Variants in TMEM163 observed in about 807,000 individuals in gnomAD.
TMEM163 encodes the protein transmembrane protein 163.
TMEM163 carries 17 observed loss-of-function variants against 29.3 expected under a neutral mutation model. The observed-to-expected ratio is 0.58, with a 90% confidence interval of 0.40 to 0.87. The LOEUF is 0.87. Ranked by LOEUF, TMEM163 falls within the 40% of genes least tolerant of loss-of-function variation. TMEM163 has a pLI of 0.00. For synonymous variants in TMEM163, 157 were observed against 160.6 expected, an observed-to-expected ratio of 0.98 and a Z score of 0.17; for missense variants, 303 against 381.5, an observed-to-expected ratio of 0.79 and a Z score of 1.71.
At chr2:134,468,517 G>C (rs189312170) in intron 5 of TMEM163, 1 of 152,360 alleles carries the variant, frequency 6.6e-6, no homozygotes, top group East Asian at 1.9e-4. Context: ...AACAGCCCCA[G>C]GTGCTAACAG....
chr2:134,516,716 T>TGA, intron 4 of TMEM163, among the ~76,000 whole-genome samples: 1 of 136,728 alleles, frequency 7.3e-6, no homozygotes, highest in Non-Finnish European at 1.6e-5. Flanking sequence ...TATATACATA[T>TGA]ATATTCATAT....
intron 5 of TMEM163, among the ~76,000 whole-genome samples, chr2:134,489,364 G>A (rs1679379244): frequency 6.6e-6 from 1 of 151,954 alleles, no homozygotes; most frequent in South Asian, 2.1e-4. Context: ...TGGATCATGA[G>A]GTTAAGAGAT....
chr2:134,616,062 A>G (rs765101943), intron 2 of TMEM163, among the ~76,000 whole-genome samples: 2 of 152,194 alleles, frequency 1.3e-5, no homozygotes, highest in Non-Finnish European at 2.9e-5. Flanking sequence ...TACCAGTATG[A>G]TTCGGGAGGT....
intron 4 of TMEM163, among the ~76,000 whole-genome samples, chr2:134,510,687 T>G (rs945055208): frequency 1.3e-5 from 2 of 152,100 alleles, no homozygotes; most frequent in African/African-American, 4.8e-5. Flanking sequence ...GAGGTAGCGG[T>G]GCATCCAAGA....
chr2:134,515,417 C>T (rs1680037414), intron 4 of TMEM163, among the ~76,000 whole-genome samples: 1 of 152,128 alleles, frequency 6.6e-6, no homozygotes, highest in Admixed American at 6.5e-5. Flanking sequence ...ATTTTGATTC[C>T]TATAAAAATA....
chr2:134,582,135 G>A (rs1410542920), intron 2 of TMEM163, among the ~76,000 whole-genome samples: 3 of 152,168 alleles, frequency 2.0e-5, no homozygotes, highest in South Asian at 2.1e-4. Flanking sequence ...CAAGAAGATC[G>A]CCATGTGCTA....
At chr2:134,694,680 C>G (rs1325033350) in intron 2 of TMEM163, among the ~76,000 whole-genome samples, 3 of 152,190 alleles carry the variant, frequency 2.0e-5, no homozygotes, top group Non-Finnish European at 4.4e-5. Context: ...GATACCATAT[C>G]TCCTCATTCA....
At chr2:134,515,239 T>C (rs1009022446) in intron 4 of TMEM163, among the ~76,000 whole-genome samples, 7 of 152,096 alleles carry the variant, frequency 4.6e-5, no homozygotes, top group African/African-American at 1.4e-4. Flanking sequence ...TGAATAATCT[T>C]ACTGAATCAA....
At chr2:134,581,069 C>T (rs1008587474) in intron 2 of TMEM163, among the ~76,000 whole-genome samples, 9 of 152,114 alleles carry the variant, frequency 5.9e-5, no homozygotes, top group South Asian at 2.1e-4. Context: ...CCATCACAGA[C>T]GCAGGTGCCA....
intron 2 of TMEM163, among the ~76,000 whole-genome samples, chr2:134,566,526 G>A (rs752811012): frequency 2.6e-5 from 4 of 152,068 alleles, no homozygotes; most frequent in African/African-American, 4.8e-5. Flanking sequence ...TCATGCCACC[G>A]CACTCCAGCC....
At chr2:134,642,880 T>A (rs950942238) in intron 2 of TMEM163, among the ~76,000 whole-genome samples, 1 of 151,958 alleles carries the variant, frequency 6.6e-6, no homozygotes, top group Non-Finnish European at 1.5e-5. Flanking sequence ...TCAAAGGACG[T>A]TAGATCATTA....
chr2:134,527,825 GAC>G (rs972345684), intron 4 of TMEM163, among the ~76,000 whole-genome samples: 6 of 152,162 alleles, frequency 3.9e-5, no homozygotes, highest in Admixed American at 1.3e-4. Flanking sequence ...ATTAGCCAAA[GAC>G]ACAATCAAAA....
Position 134,536,396 on chromosome 2 carries a change from C to T in TMEM163, c.458+14174G>A, listed in dbSNP as rs553053380. On this transcript the variant is annotated intron_variant, in intron 4 of 7. Transcript: ENST00000281924. ...GAGGTTGGGGCTGTTTACAGCTGTTCTCTTCCTCCTTTTTCCTCCTGAGTA... is the reference window on the plus strand; with the variant it reads ...GAGGTTGGGGCTGTTTACAGCTGTTTTCTTCCTCCTTTTTCCTCCTGAGTA... Among the ~76,000 whole-genome samples, 3 of 152,290 alleles carry T rather than the reference C, an allele frequency of 2.0e-5. No homozygotes were observed. The South Asian group carries it at 6.2e-4, about 32-fold the overall frequency.
chr2:134,632,325 A>T (rs939505275), intron 2 of TMEM163, among the ~76,000 whole-genome samples: 4 of 152,184 alleles, frequency 2.6e-5, no homozygotes, highest in African/African-American at 9.7e-5. Context: ...CACCAGTAGG[A>T]ACAACTGGGC....
chr2:134,490,784 AC>A (rs1429925330), intron 5 of TMEM163, among the ~76,000 whole-genome samples: 3 of 152,080 alleles, frequency 2.0e-5, no homozygotes, highest in Non-Finnish European at 4.4e-5. Context: ...GACCCTCATG[AC>A]CGCTAGAGCT....
chr2:134,538,677 G>A (rs892184404), intron 4 of TMEM163, among the ~76,000 whole-genome samples: 32 of 152,324 alleles, frequency 2.1e-4, no homozygotes, highest in African/African-American at 7.5e-4. Context: ...TGAAGCTGAC[G>A]ACACTATGCT....
intron 2 of TMEM163, among the ~76,000 whole-genome samples, chr2:134,595,930 G>T (rs1277589865): frequency 2.6e-5 from 4 of 152,180 alleles, no homozygotes; most frequent in African/African-American, 9.7e-5. Flanking sequence ...AGAAGTGTCA[G>T]TTCATATTCT....
intron 2 of TMEM163, among the ~76,000 whole-genome samples, chr2:134,675,679 T>C (rs1684099456): frequency 6.6e-6 from 1 of 152,236 alleles, no homozygotes; most frequent in Non-Finnish European, 1.5e-5. Context: ...TTCTGTTGCT[T>C]AGCTTCACAA....
intron 2 of TMEM163, among the ~76,000 whole-genome samples, chr2:134,614,869 A>G (rs187722085): frequency 4.4e-4 from 67 of 152,298 alleles, no homozygotes; most frequent in African/African-American, 1.6e-3. Flanking sequence ...AAAAAAAACA[A>G]AACACATTTT....
Sources: allele counts gnomAD v4.1 joint callset (sites outside exome capture counted in the v4.1 genomes callset), GRCh38; gene constraint gnomAD v4.1.1; transcripts MANE v1.5; gene names NCBI Gene and HGNC (gene_info 2026-07-23, HGNC 2026-07-21).